GALNT17: variants seen among roughly 807,000 people sequenced by gnomAD.
GALNT17 encodes the protein polypeptide N-acetylgalactosaminyltransferase 17, also known as UDP-GalNAc:polypeptide N-acetylgalactosaminyltransferase-like 3.
A neutral mutation model predicts 63.7 loss-of-function variants in GALNT17; 29 were observed. The ratio of observed to expected loss-of-function variants is 0.46; its 90% CI spans 0.34 to 0.62. The LOEUF (loss-of-function observed/expected upper bound fraction) is 0.62. Among genes scored for constraint, GALNT17 ranks in the 20% least tolerant of loss-of-function variants. The pLI, the probability that GALNT17 is intolerant of heterozygous loss-of-function variation, is 0.01. For missense variants in GALNT17, 603 were observed against 799.6 expected (o/e 0.75, Z 2.97); for synonymous variants, 305 against 318.3 (o/e 0.96, Z 0.45).
At chr7:71,677,422 GA>G in intron 9 of GALNT17, 116 bp downstream of exon 9, 2 of 1,032,086 alleles carry the variant, frequency 1.9e-6, no homozygotes. Flanking sequence ...TATTTATTCT[GA>G]GAAAAATTTT....
intron 5 of GALNT17, among the ~76,000 whole-genome samples, chr7:71,499,873 G>T (rs547649643): frequency 6.6e-6 from 1 of 152,190 alleles, no homozygotes; most frequent in South Asian, 2.1e-4. Flanking sequence ...GGATCATGGG[G>T]GTGGTTACCC....
chr7:71,207,007 G>A (rs1585881496), intron 1 of GALNT17, among the ~76,000 whole-genome samples: 2 of 152,120 alleles, frequency 1.3e-5, no homozygotes, highest in African/African-American at 4.8e-5. Flanking sequence ...TTGACAGGCT[G>A]AGGCAGGAGA....
chr7:71,161,816 AAAG>A (rs1421255439), intron 1 of GALNT17, among the ~76,000 whole-genome samples: 1 of 152,102 alleles, frequency 6.6e-6, no homozygotes, highest in Admixed American at 6.6e-5. Flanking sequence ...TTACATGCAC[AAAG>A]AAGGATAATT....
rs766360655 is a variant in GALNT17 at position 71,429,235 on chromosome 7, G to A, written c.962+8130G>A. ...GAAAGTCTGAAGGCAGAAAGGAAGG[G>A]GTGGGGACTGATTGGGAAAGAAAGA... On this transcript the variant is annotated intron_variant, in intron 5 of 10. Coordinates refer to ENST00000333538, the MANE Select transcript of GALNT17 (RefSeq NM_022479.3). 1.3e-4 allele frequency among the ~76,000 whole-genome samples: 20 copies of A among 152,266 alleles called. 1 individual carries two copies. Among genetic ancestry groups the A allele is most frequent in the South Asian group, 6.2e-4 (3 of 4,832 alleles).
intron 5 of GALNT17, among the ~76,000 whole-genome samples, chr7:71,563,774 C>T (rs1391644107): frequency 2.6e-5 from 4 of 152,060 alleles, no homozygotes; most frequent in Non-Finnish European, 5.9e-5. Context: ...GACAGGGTCT[C>T]GCTATGTTGC....
At chr7:71,609,755 A>G (rs1304398800) in intron 6 of GALNT17, among the ~76,000 whole-genome samples, 1 of 152,152 alleles carries the variant, frequency 6.6e-6, no homozygotes, top group Non-Finnish European at 1.5e-5. Flanking sequence ...TACTATGTAC[A>G]TAATATGAGT....
chr7:71,494,829 G>A lies in GALNT17; in HGVS notation c.962+73724G>A, dbSNP rs540374705. Among the ~76,000 whole-genome samples, 21 of 152,290 alleles carry A rather than the reference G, an allele frequency of 1.4e-4. No homozygotes were observed. The South Asian group carries it at 3.7e-3, about 27-fold the overall frequency. Reference sequence around the variant, plus strand: ...GCTGAAGGCAAATGAGCAAAGTCACGTCTTACATGGCAGCAGGCAGGAAAG... The same window carrying A: ...GCTGAAGGCAAATGAGCAAAGTCACATCTTACATGGCAGCAGGCAGGAAAG... On this transcript the variant is annotated intron_variant, in intron 5 of 10. Coordinates refer to ENST00000333538, the MANE Select transcript of GALNT17 (RefSeq NM_022479.3).
At chr7:71,321,484 A>G (rs1037446750) in intron 1 of GALNT17, among the ~76,000 whole-genome samples, 2 of 152,212 alleles carry the variant, frequency 1.3e-5, no homozygotes, top group African/African-American at 2.4e-5. Flanking sequence ...TCACAGTGGC[A>G]TGAAATCTGA....
At chr7:71,317,869 C>CT (rs1470653823) in intron 1 of GALNT17, among the ~76,000 whole-genome samples, 1 of 152,052 alleles carries the variant, frequency 6.6e-6, no homozygotes, top group Admixed American at 6.5e-5. Flanking sequence ...TTCTTCCTTT[C>CT]TTTTTTCTGG....
chr7:71,420,894 TC>T lies in GALNT17; in HGVS notation c.765-13del. 1.9e-6 allele frequency: 3 copies of T among 1,559,868 alleles called. No homozygotes were observed. The highest frequency in any genetic ancestry group is 2.6e-6 in the Non-Finnish European group (3 of 1,147,342). On this transcript the variant is annotated splice_polypyrimidine_tract_variant and intron_variant, in intron 4 of 10. Transcript: ENST00000333538. ...AGAGAAGAGAGGTTTCATGTCTATT[TC>T]TCTATGTTTCAGGGCTGAGCCGGTT...
intron 5 of GALNT17, among the ~76,000 whole-genome samples, chr7:71,429,792 C>T (rs1023578329): frequency 2.0e-5 from 3 of 152,178 alleles, no homozygotes; most frequent in African/African-American, 7.2e-5. Flanking sequence ...TTGCAATCTC[C>T]ACCTCCTGGG....
At chr7:71,555,127 TAC>T (rs1789141231) in intron 5 of GALNT17, among the ~76,000 whole-genome samples, 1 of 152,068 alleles carries the variant, frequency 6.6e-6, no homozygotes, top group South Asian at 2.1e-4. Context: ...CTGAACTCAT[TAC>T]CACAGGGAAG....
chr7:71,618,553 C>T (rs2116967088), intron 6 of GALNT17, among the ~76,000 whole-genome samples: 1 of 152,254 alleles, frequency 6.6e-6, no homozygotes, highest in South Asian at 2.1e-4. Context: ...ATTTGCATTT[C>T]TCTGATCATT....
chr7:71,245,368 A>G (rs540311645), intron 1 of GALNT17, among the ~76,000 whole-genome samples: 6 of 152,260 alleles, frequency 3.9e-5, no homozygotes, highest in African/African-American at 1.4e-4. Context: ...TGCCATTTTT[A>G]CTTTGTGCTG....
intron 1 of GALNT17, among the ~76,000 whole-genome samples, chr7:71,320,646 G>T (rs1438053724): frequency 6.6e-6 from 1 of 152,132 alleles, no homozygotes; most frequent in African/African-American, 2.4e-5. Context: ...ATTTAAAATT[G>T]ATAGTGCTTC....
chr7:71,227,117 G>A (rs1789693691), intron 1 of GALNT17, among the ~76,000 whole-genome samples: 1 of 141,336 alleles, frequency 7.1e-6, no homozygotes, highest in Admixed American at 7.7e-5. Context: ...GTGGGAGGAT[G>A]GCTTGAACCC....
intron 3 of GALNT17, among the ~76,000 whole-genome samples, chr7:71,398,503 G>A (rs1364628223): frequency 1.3e-5 from 2 of 152,070 alleles, no homozygotes; most frequent in Non-Finnish European, 1.5e-5. Context: ...CCTGGAGGAT[G>A]TTAATAATAT....
At chr7:71,646,737 T>C (rs1790681138) in intron 6 of GALNT17, among the ~76,000 whole-genome samples, 2 of 131,574 alleles carry the variant, frequency 1.5e-5, no homozygotes, top group Non-Finnish European at 3.1e-5. Flanking sequence ...AAAAGGGGCA[T>C]CCAAGTTTCC....
At chr7:71,654,401 G>C (rs1206907383) in intron 6 of GALNT17, among the ~76,000 whole-genome samples, 3 of 152,222 alleles carry the variant, frequency 2.0e-5, no homozygotes. Flanking sequence ...GAGGACGGCA[G>C]ATAATCTGGG....
Sources: gnomAD v4.1 joint callset for allele counts (sites outside exome capture counted in the v4.1 genomes callset) on GRCh38, gnomAD v4.1.1 for gene constraint, MANE v1.5 for transcripts, NCBI Gene and HGNC (gene_info 2026-07-23, HGNC 2026-07-21) for gene names.